The following USP36 variants were observed in gnomAD, a reference collection of about 807,000 sequenced individuals.
USP36 encodes the protein ubiquitin carboxyl-terminal hydrolase 36.
A neutral mutation model predicts 111.5 loss-of-function variants in USP36; 59 were observed. The observed-to-expected ratio is 0.53, with a 90% confidence interval of 0.43 to 0.66. The LOEUF is 0.66. Among genes scored for constraint, USP36 ranks in the 30% least tolerant of loss-of-function variants. The probability of loss-of-function intolerance (pLI) is 0.00; values close to 1 mark genes in which losing one functional copy is unlikely to be tolerated. For synonymous variants in USP36, 628 were observed against 581.0 expected (o/e 1.08, Z -1.16); for missense variants, 1,488 against 1,468.0 (o/e 1.01, Z -0.22).
intron 13 of USP36, 38 bp from the exon 14 acceptor site, chr17:78,807,674 G>C (rs189197588): frequency 2.7e-6 from 4 of 1,506,226 alleles, no homozygotes; most frequent in Middle Eastern, 1.8e-4. Context: ...CTGAGGAAGC[G>C]AGAAGTCTCA....
intron 15 of USP36, among the ~76,000 whole-genome samples, chr17:78,804,383 C>T (rs1643920014): frequency 6.6e-6 from 1 of 151,086 alleles, no homozygotes; most frequent in Admixed American, 6.6e-5. Context: ...ATCGCTTGAA[C>T]CTGGGAGGTG....
chr17:78,818,984 A>G (rs2094253575), intron 9 of USP36: 1 of 505,868 alleles, frequency 2.0e-6, no homozygotes, highest in Non-Finnish European at 3.6e-6. Flanking sequence ...AGACTACAGA[A>G]AGTGGGAAGA....
intron 3 of USP36, 104 bp from the exon 4 acceptor site, chr17:78,835,605 T>C (rs2068590666): frequency 1.8e-6 from 2 of 1,115,964 alleles, no homozygotes; most frequent in Non-Finnish European, 2.6e-6. Flanking sequence ...ATGCAGTGAC[T>C]CGGAACATGG....
chr17:78,831,942 CAAAAAAAAAAA>C (rs573258267), intron 4 of USP36, among the ~76,000 whole-genome samples: 1 of 77,264 alleles, frequency 1.3e-5, no homozygotes, highest in Non-Finnish European at 2.4e-5. Flanking sequence ...GAGCTTGTCT[CAAAAAAAAAAA>C]AAAAAAAAAG....
chr17:78,798,144 C>T lies in USP36; in HGVS notation c.*20+256G>A, dbSNP rs2093658303. The stretch of plus-strand genomic sequence containing the variant: ...GTGTACACACCCCACACCCAACACA[C>T]ACTACACACACCCCCTTATACACAC... On this transcript the variant is annotated intron_variant, in intron 20 of 20. Transcript: ENST00000449938. The surrounding 1 kb of genome is among the most constrained non-coding windows in gnomAD (Gnocchi z 5.1). 4.0e-6 allele frequency: 2 copies of T among 498,862 alleles called. No individual in the cohort carries two copies. The highest frequency in any genetic ancestry group is 3.3e-5 in the Admixed American group (1 of 30,550). The allele number at this position is 498,862 out of a possible 1,614,324, so 30.9% of individuals were successfully genotyped here.
intron 3 of USP36, among the ~76,000 whole-genome samples, chr17:78,790,607 G>A (rs1677617867): frequency 6.6e-6 from 1 of 151,956 alleles, no homozygotes; most frequent in Non-Finnish European, 1.5e-5. Context: ...GGCTGGTCTC[G>A]ACATCTTGGG....
intron 6 of USP36, among the ~76,000 whole-genome samples, chr17:78,823,606 G>A (rs945631779): frequency 1.7e-4 from 26 of 152,190 alleles, no homozygotes; most frequent in African/African-American, 6.3e-4. Context: ...GCTGCAAAGG[G>A]CACCCTGAAG....
intron 4 of USP36, 82 bp downstream of exon 4, chr17:78,835,197 TG>T (rs2068546415): frequency 2.8e-6 from 4 of 1,419,558 alleles, no homozygotes; most frequent in Non-Finnish European, 3.9e-6. Flanking sequence ...TGACCCAGAC[TG>T]AGAGCAGCAG....
intron 1 of USP36, chr17:78,840,206 G>C (rs1450899991): frequency 6.6e-6 from 1 of 152,296 alleles, no homozygotes; most frequent in Non-Finnish European, 1.5e-5. Flanking sequence ...GTCTGGGTTT[G>C]GCGGCCGCCA....
rs181773477 is a variant in USP36, at chr17:78,838,317, A to C, written c.-10+270T>G. Among the ~76,000 whole-genome samples, 308 of 147,198 alleles carry C rather than the reference A, an allele frequency of 2.1e-3. 2 individuals are homozygous for C. The highest frequency in any genetic ancestry group is 7.3e-3 in the African/African-American group (289 of 39,616). On this transcript the variant is annotated intron_variant, in intron 2 of 20. Transcript: ENST00000449938. ...AACACGGGAGGCAGAGGTTGGAGTG[A>C]GCCGAGATCGCGCCACTGCACTCCA...
intron 3 of USP36, chr17:78,835,875 G>C: frequency 3.1e-6 from 2 of 636,466 alleles, no homozygotes; most frequent in Non-Finnish European, 5.3e-6. Flanking sequence ...ACTTGGGATA[G>C]GGGGACAGCA....
intron 15 of USP36, among the ~76,000 whole-genome samples, chr17:78,805,285 A>G (rs936135894): frequency 1.3e-5 from 2 of 152,240 alleles, no homozygotes; most frequent in East Asian, 1.9e-4. Flanking sequence ...AAAAAAGCTT[A>G]TAAGGCAAGA....
At chr17:78,810,182 G>A (rs1171573656) in intron 13 of USP36, among the ~76,000 whole-genome samples, 1 of 151,926 alleles carries the variant, frequency 6.6e-6, no homozygotes, top group African/African-American at 2.4e-5. Context: ...TCACCAGCGT[G>A]ATCATGGCTC....
At chr17:78,794,598 G>GTGGCC (rs2093607843), downstream of USP36, among the ~76,000 whole-genome samples, 1 of 152,210 alleles carries the variant, frequency 6.6e-6, no homozygotes, top group Non-Finnish European at 1.5e-5. Flanking sequence ...ACACCCAGAA[G>GTGGCC]TGGCCCTAGT....
intron 15 of USP36, among the ~76,000 whole-genome samples, chr17:78,805,351 G>T (rs763390617): frequency 9.2e-5 from 14 of 152,168 alleles, no homozygotes; most frequent in Admixed American, 2.6e-4. Flanking sequence ...CTTATGCTAG[G>T]TATAGGGCAG....
At chr17:78,834,107 C>T (rs1180842974) in intron 4 of USP36, among the ~76,000 whole-genome samples, 3 of 151,854 alleles carry the variant, frequency 2.0e-5, no homozygotes, top group Non-Finnish European at 4.4e-5. Flanking sequence ...ATTAGCCAGG[C>T]GTGGTGGCGT....
At chr17:78,794,534 G>A (rs986115845), downstream of USP36, among the ~76,000 whole-genome samples, 5 of 152,178 alleles carry the variant, frequency 3.3e-5, no homozygotes, top group African/African-American at 4.8e-5. Context: ...CAGTCCTGCC[G>A]GTGGGACTCT....
rs1173014624 is a variant in USP36, at chr17:78,795,984, T to C, written c.*1916A>G. ...AGAGTTTGAACTCGTTTTCTGGGCCTCATCTTTCCCTTCCCTATCTGGTTG... is the reference window on the plus strand; with the variant it reads ...AGAGTTTGAACTCGTTTTCTGGGCCCCATCTTTCCCTTCCCTATCTGGTTG... On this transcript the variant is annotated 3_prime_UTR_variant, in exon 21 of 21. Coordinates refer to ENST00000449938, the MANE Select transcript of USP36 (RefSeq NM_001385174.1). This position sits in a 1 kb window ranked among gnomAD's most constrained non-coding sequence, Gnocchi z 4.5. 6.6e-6 allele frequency: 1 copy of C among 152,218 alleles called. No individual in the cohort carries two copies. Among genetic ancestry groups the C allele is most frequent in the African/African-American group, 2.4e-5 (1 of 41,428 alleles). The allele number at this position is 152,218 out of a possible 1,614,324, so 9.4% of individuals were successfully genotyped here. A position where few individuals can be genotyped will look rare whatever the true frequency, so the allele number is the denominator to read the frequency against.
chr17:78,815,973 CAT>C (rs1247009045), intron 10 of USP36, among the ~76,000 whole-genome samples: 3 of 152,158 alleles, frequency 2.0e-5, no homozygotes, highest in South Asian at 2.1e-4. Context: ...CATACACACA[CAT>C]ATAATACGTG....
Sources: allele counts gnomAD v4.1 joint callset (sites outside exome capture counted in the v4.1 genomes callset), GRCh38; gene constraint gnomAD v4.1.1; non-coding constraint Gnocchi (gnomAD v3.1); transcripts MANE v1.5; gene names NCBI Gene and HGNC (gene_info 2026-07-23, HGNC 2026-07-21).